The following FBXL20 variants were observed in gnomAD, a reference collection of about 807,000 sequenced individuals.
The protein encoded by FBXL20 is F-box/LRR-repeat protein 20.
A neutral mutation model predicts 64.0 loss-of-function variants in FBXL20; 11 were observed. That is an observed-to-expected ratio of 0.17 (90% CI 0.11 to 0.28). FBXL20 has a LOEUF of 0.28. Among genes scored for constraint, FBXL20 ranks in the 10% least tolerant of loss-of-function variants. The pLI is 1.00. For synonymous variants in FBXL20, 184 were observed against 189.0 expected (o/e 0.97, Z 0.22); for missense variants, 303 against 526.2 (o/e 0.58, Z 4.15).
At chr17:39,390,293 A>T (rs867486950) in intron 1 of FBXL20, among the ~76,000 whole-genome samples, 30 of 152,068 alleles carry the variant, frequency 2.0e-4, no homozygotes, top group African/African-American at 7.2e-4. Flanking sequence ...GCGGTGGCTC[A>T]CACCTGTAAT....
intron 2 of FBXL20, among the ~76,000 whole-genome samples, chr17:39,305,604 T>C (rs543610277): frequency 3.3e-5 from 5 of 152,182 alleles, no homozygotes; most frequent in South Asian, 2.1e-4. Context: ...AATTCCACCA[T>C]TTTGGGATGT....
chr17:39,271,123 C>T (rs957539837), intron 10 of FBXL20, among the ~76,000 whole-genome samples: 2 of 152,084 alleles, frequency 1.3e-5, no homozygotes, highest in Non-Finnish European at 2.9e-5. Context: ...GTAGTTAATG[C>T]CAAAACGCAT....
intron 1 of FBXL20, among the ~76,000 whole-genome samples, chr17:39,357,488 T>C (rs2047753904): frequency 6.6e-6 from 1 of 152,196 alleles, no homozygotes; most frequent in South Asian, 2.1e-4. Context: ...TTTGTTCTTC[T>C]GTTCCTTTTA....
At chr17:39,401,856 G>A, upstream of FBXL20, 1 of 422,720 alleles carries the variant, frequency 2.4e-6, no homozygotes, top group East Asian at 5.7e-5. Context: ...GCGCCTCCGA[G>A]GCAGACGAGC....
At chr17:39,380,323 C>T (rs186845555) in intron 1 of FBXL20, among the ~76,000 whole-genome samples, 1 of 152,172 alleles carries the variant, frequency 6.6e-6, no homozygotes, top group Non-Finnish European at 1.5e-5. Context: ...CTAACCACCA[C>T]CACCACCCTG....
At chr17:39,298,012 C>G (rs2047101948) in intron 5 of FBXL20, among the ~76,000 whole-genome samples, 1 of 152,196 alleles carries the variant, frequency 6.6e-6, no homozygotes, top group Non-Finnish European at 1.5e-5. Flanking sequence ...GCTGAGATTA[C>G]AGGCTTGGGC....
intron 1 of FBXL20, among the ~76,000 whole-genome samples, chr17:39,399,495 T>C (rs899415942): frequency 1.3e-5 from 2 of 152,230 alleles, no homozygotes; most frequent in African/African-American, 4.8e-5. Flanking sequence ...CATTAACACA[T>C]ATCATTTCTA....
intron 7 of FBXL20, among the ~76,000 whole-genome samples, chr17:39,284,903 T>C (rs1176580045): frequency 6.6e-6 from 1 of 151,524 alleles, no homozygotes; most frequent in Non-Finnish European, 1.5e-5. Context: ...AGATACCTGT[T>C]TTAAGCACTA....
chr17:39,342,918 T>C (rs537559430), intron 2 of FBXL20, among the ~76,000 whole-genome samples: 3 of 151,930 alleles, frequency 2.0e-5, no homozygotes, highest in Non-Finnish European at 4.4e-5. Context: ...TTACTGTATA[T>C]ACAAGAATAA....
chr17:39,303,926 T>C (rs1279715502), intron 2 of FBXL20, among the ~76,000 whole-genome samples: 2 of 152,174 alleles, frequency 1.3e-5, no homozygotes, highest in African/African-American at 4.8e-5. Flanking sequence ...GCTCAAGCAA[T>C]TGGCCTCCCA....
At chr17:39,321,642 T>G (rs2047357481) in intron 2 of FBXL20, among the ~76,000 whole-genome samples, 1 of 150,810 alleles carries the variant, frequency 6.6e-6, no homozygotes, top group Non-Finnish European at 1.5e-5. Flanking sequence ...TAGCTGGGCA[T>G]GGTGGCAGGC....
Position 39,292,290 on chromosome 17 carries a change from T to C in FBXL20, c.398+4837A>G, listed in dbSNP as rs1010006273. Among the ~76,000 whole-genome samples, 37 of 150,804 alleles carry C rather than the reference T, an allele frequency of 2.5e-4. 2 individuals carry two copies. Among genetic ancestry groups the C allele is most frequent in the African/African-American group, 8.9e-4 (36 of 40,298 alleles). On this transcript the variant is annotated intron_variant, in intron 6 of 14. Transcript: ENST00000264658. The stretch of plus-strand genomic sequence containing the variant: ...TGTCCACTCCAACTTTCCCAACTAG[T>C]ATTTATAATAGTATGTATTTTCCCA...
intron 12 of FBXL20, among the ~76,000 whole-genome samples, chr17:39,268,586 C>T (rs1208600498): frequency 6.6e-6 from 1 of 152,072 alleles, no homozygotes; most frequent in Non-Finnish European, 1.5e-5. Context: ...AGCTTTACAG[C>T]CTGAATGCTT....
chr17:39,282,791 T>C lies in FBXL20; in HGVS notation c.559A>G (p.Ile187Val). The stretch of plus-strand genomic sequence containing the variant: ...CCACAGCCCCTCACTAGTGCTTGAA[T>C]GCCATCCTTGGTTACTTGGTCACAC... ...SWCDQVTKDG[I>V]QALVRGCGGL... Residue 187 changes from isoleucine to valine, a missense_variant, in exon 8 of 15, where the codon ATT becomes GTT. Ile to Val is a conservative substitution (Grantham distance 29). Transcript: ENST00000264658. The C allele has an allele frequency of 6.2e-7, 1 of 1,614,126 alleles. No homozygotes were observed. Among genetic ancestry groups the C allele is most frequent in the Non-Finnish European group, 8.5e-7 (1 of 1,180,022 alleles).
At chr17:39,296,303 G>A (rs2047084610) in intron 6 of FBXL20, among the ~76,000 whole-genome samples, 1 of 152,118 alleles carries the variant, frequency 6.6e-6, no homozygotes, top group South Asian at 2.1e-4. Context: ...GCTCATGCCT[G>A]TAATCCCAGC....
intron 1 of FBXL20, among the ~76,000 whole-genome samples, chr17:39,385,172 T>C (rs2048066212): frequency 6.6e-6 from 1 of 151,974 alleles, no homozygotes; most frequent in Non-Finnish European, 1.5e-5. Flanking sequence ...CAGTGAGCTA[T>C]GATGGCGCCA....
At chr17:39,365,178 A>AT (rs2047847554) in intron 1 of FBXL20, among the ~76,000 whole-genome samples, 1 of 152,186 alleles carries the variant, frequency 6.6e-6, no homozygotes, top group Non-Finnish European at 1.5e-5. Flanking sequence ...GCTGCAGAAG[A>AT]TTTTTTAAAT....
At chr17:39,269,167 C>A (rs760333253) in intron 11 of FBXL20, among the ~76,000 whole-genome samples, 23 of 151,924 alleles carry the variant, frequency 1.5e-4, no homozygotes, top group Non-Finnish European at 2.9e-5. Context: ...TGTGCCACCA[C>A]ACCTGGCTAA....
intron 1 of FBXL20, among the ~76,000 whole-genome samples, chr17:39,347,366 T>C (rs2047643937): frequency 6.6e-6 from 1 of 152,224 alleles, no homozygotes; most frequent in Non-Finnish European, 1.5e-5. Context: ...TTCCCGACTT[T>C]TTAATGATCG....
Sources: allele counts gnomAD v4.1 joint callset (sites outside exome capture counted in the v4.1 genomes callset), GRCh38; gene constraint gnomAD v4.1.1; transcripts MANE v1.5; gene names NCBI Gene and HGNC (gene_info 2026-07-23, HGNC 2026-07-21).